Variants in ERBB4 observed in about 807,000 individuals in gnomAD.
ERBB4 encodes receptor tyrosine-protein kinase erbB-4.
In ERBB4, 42 loss-of-function variants were observed where a neutral mutation model predicts 158.0. The observed-to-expected ratio is 0.27, with a 90% CI of 0.21 to 0.34. The LOEUF (loss-of-function observed/expected upper bound fraction) is 0.34, where lower values mean the gene tolerates loss of function less well. ERBB4 is among the 10% of genes least tolerant of loss of function. ERBB4 has a pLI of 1.00. For missense variants in ERBB4, 1,333 were observed against 1,624.1 expected (o/e 0.82, Z 3.08); for synonymous variants, 583 against 558.7 (o/e 1.04, Z -0.61).
Position 211,448,171 on chromosome 2 carries a change from C to T in ERBB4, c.2488-17071G>A, listed in dbSNP as rs2064157929. On this transcript the variant is annotated intron_variant, in intron 20 of 27. Coordinates refer to ENST00000342788, the MANE Select transcript of ERBB4 (RefSeq NM_005235.3). ...TATTTTTTGTAGAGACAGGGTTTCT[C>T]CACGTTGGCCAGACTAGTCTCAAAC... 1.3e-5 allele frequency among the ~76,000 whole-genome samples: 2 copies of T among 152,026 alleles called. 1 individual carries two copies. The highest frequency in any genetic ancestry group is 1.3e-4 in the Admixed American group (2 of 15,260).
At chr2:211,909,518 A>G (rs375082814) in intron 3 of ERBB4, among the ~76,000 whole-genome samples, 1 of 151,816 alleles carries the variant, frequency 6.6e-6, no homozygotes, top group Non-Finnish European at 1.5e-5. Context: ...ACATTATGGT[A>G]TTGTACTTAA....
At chr2:212,154,293 CA>C (rs1364207924) in intron 1 of ERBB4, among the ~76,000 whole-genome samples, 2 of 152,102 alleles carry the variant, frequency 1.3e-5, no homozygotes, top group Admixed American at 1.3e-4. Context: ...AGCTAAACAA[CA>C]AACTTTGACC....
chr2:212,522,228 T>C (rs937923299), intron 1 of ERBB4, among the ~76,000 whole-genome samples: 3 of 152,000 alleles, frequency 2.0e-5, no homozygotes, highest in African/African-American at 7.2e-5. Flanking sequence ...TTTCCTTGTT[T>C]GTAAAATAAG....
rs374663511 is a variant in ERBB4 at position 212,425,149 on chromosome 2, T to C, written c.82+113300A>G. Among the ~76,000 whole-genome samples, 19 of 151,710 alleles carry C rather than the reference T, an allele frequency of 1.3e-4. No individual in the cohort carries two copies. In the East Asian group the frequency reaches 2.5e-3, roughly 20 times the overall value. ...TACTAAAGTCAAGAATTTAATTTAG[T>C]ATCATGGATCTAATTCATTAACTCT... On this transcript the variant is annotated intron_variant, in intron 1 of 27. Coordinates refer to ENST00000342788, the MANE Select transcript of ERBB4 (RefSeq NM_005235.3).
intron 1 of ERBB4, among the ~76,000 whole-genome samples, chr2:212,265,802 C>A (rs1241794828): frequency 1.3e-5 from 2 of 152,178 alleles, no homozygotes; most frequent in Middle Eastern, 3.4e-3. Context: ...TCTGAATTAG[C>A]TTAAAAGTGG....
chr2:212,167,456 T>C (rs1482224382), intron 1 of ERBB4, among the ~76,000 whole-genome samples: 2 of 152,102 alleles, frequency 1.3e-5, no homozygotes, highest in Non-Finnish European at 2.9e-5. Context: ...ATGGTGAGGT[T>C]GTGGGGAAAT....
intron 3 of ERBB4, among the ~76,000 whole-genome samples, chr2:211,881,789 G>A (rs996887358): frequency 1.3e-5 from 2 of 151,976 alleles, no homozygotes; most frequent in African/African-American, 4.8e-5. Flanking sequence ...TCCTTCTTTT[G>A]TCTATTAAAC....
At chr2:212,233,597 G>A (rs1489870935) in intron 1 of ERBB4, among the ~76,000 whole-genome samples, 3 of 151,972 alleles carry the variant, frequency 2.0e-5, no homozygotes, top group Non-Finnish European at 2.9e-5. Context: ...ATTATCACAC[G>A]TTTATATTTA....
Position 212,095,011 on chromosome 2 carries a change from T to C in ERBB4, c.234+29741A>G, listed in dbSNP as rs562774237. Among the ~76,000 whole-genome samples the C allele has an allele frequency of 4.6e-5, 7 of 152,308 alleles. No homozygotes were observed. In the South Asian group the frequency reaches 1.4e-3, roughly 32 times the overall value. On this transcript the variant is annotated intron_variant, in intron 2 of 27. Transcript: ENST00000342788. Reference sequence around the variant, plus strand: ...ATTACTAAGTTTCTGATACTGTTTTTTTTTCTTTTCTACGTAAACATCAAA... The same window carrying C: ...ATTACTAAGTTTCTGATACTGTTTTCTTTTCTTTTCTACGTAAACATCAAA...
chr2:212,020,633 G>A (rs533535385), intron 2 of ERBB4, among the ~76,000 whole-genome samples: 5 of 152,128 alleles, frequency 3.3e-5, no homozygotes, highest in African/African-American at 9.6e-5. Flanking sequence ...AAGGTTTTTA[G>A]AGTTTTTATT....
At chr2:211,784,525 C>G (rs1322901236) in intron 4 of ERBB4, among the ~76,000 whole-genome samples, 3 of 152,196 alleles carry the variant, frequency 2.0e-5, no homozygotes, top group South Asian at 4.2e-4. Context: ...TGGGTTGCTT[C>G]CACCTCTCAG....
rs571003375 is a variant in ERBB4 at position 212,217,917 on chromosome 2, G to A, written c.83-93014C>T. Among the ~76,000 whole-genome samples the A allele has an allele frequency of 6.6e-5, 10 of 151,248 alleles. No individual in the cohort carries two copies. The South Asian group carries it at 2.1e-3, about 31-fold the overall frequency. ...CAATAAAGTATATATTTCTTCTGGT[G>A]CACTTAAATCTTAAGACAGAATGTT... On this transcript the variant is annotated intron_variant, in intron 1 of 27. Coordinates refer to ENST00000342788, the MANE Select transcript of ERBB4 (RefSeq NM_005235.3).
intron 1 of ERBB4, among the ~76,000 whole-genome samples, chr2:212,181,422 C>A (rs1424739005): frequency 6.6e-6 from 1 of 151,586 alleles, no homozygotes; most frequent in African/African-American, 2.4e-5. Context: ...AAATAACATA[C>A]AGTATTATGT....
At chr2:211,490,673 G>A (rs1335514571) in intron 20 of ERBB4, among the ~76,000 whole-genome samples, 5 of 152,012 alleles carry the variant, frequency 3.3e-5, no homozygotes, top group Non-Finnish European at 7.4e-5. Flanking sequence ...ATTGCCTATG[G>A]TTTGTGAGAC....
intron 1 of ERBB4, among the ~76,000 whole-genome samples, chr2:212,313,568 GTC>G (rs781692301): frequency 1.8e-4 from 27 of 150,766 alleles, no homozygotes; most frequent in Non-Finnish European, 3.6e-4. Flanking sequence ...ATATTAAAAT[GTC>G]TCAACTTAAA....
intron 1 of ERBB4, among the ~76,000 whole-genome samples, chr2:212,213,404 T>C (rs6713657): frequency 0.19 from 28,499 of 151,856 alleles, 2,970 homozygotes; most frequent in South Asian, 0.45. Context: ...TGGTAAACTA[T>C]TGTCTTAGAA....
At chr2:212,486,666 C>T (rs935813542) in intron 1 of ERBB4, among the ~76,000 whole-genome samples, 1 of 152,064 alleles carries the variant, frequency 6.6e-6, no homozygotes, top group East Asian at 1.9e-4. Flanking sequence ...TTATAAAAAA[C>T]GTGTAGTATT....
intron 1 of ERBB4, among the ~76,000 whole-genome samples, chr2:212,278,067 G>A (rs113354045): frequency 1.3e-5 from 2 of 151,698 alleles, no homozygotes; most frequent in African/African-American, 4.8e-5. Flanking sequence ...TTCAGCAGTT[G>A]CCGCTAATAT....
At chr2:212,372,959 T>C (rs1187453948) in intron 1 of ERBB4, among the ~76,000 whole-genome samples, 1 of 152,122 alleles carries the variant, frequency 6.6e-6, no homozygotes, top group Non-Finnish European at 1.5e-5. Flanking sequence ...TTTAAGACTG[T>C]ACTGAAGAGC....
Sources: allele counts gnomAD v4.1 joint callset (sites outside exome capture counted in the v4.1 genomes callset), GRCh38; gene constraint gnomAD v4.1.1; transcripts MANE v1.5; gene names NCBI Gene and HGNC (gene_info 2026-07-23, HGNC 2026-07-21).